The following ANKRD44 variants were observed in gnomAD, a reference collection of about 807,000 sequenced individuals.
ANKRD44 encodes ankyrin repeat domain 44.
Under a neutral mutation model 116.0 loss-of-function variants are expected in ANKRD44, and 35 were observed. That is an observed-to-expected ratio of 0.30 (90% CI 0.23 to 0.40). The LOEUF (loss-of-function observed/expected upper bound fraction) is 0.40. ANKRD44 is among the 10% of genes least tolerant of loss of function. The probability of loss-of-function intolerance (pLI) is 1.00; values close to 1 mark genes in which losing one functional copy is unlikely to be tolerated. For missense variants in ANKRD44, 1,014 were observed against 1,242.6 expected (o/e 0.82, Z 2.77); for synonymous variants, 435 against 461.8 (o/e 0.94, Z 0.74).
At chr2:197,069,306 G>A (rs1447327722) in intron 16 of ANKRD44, among the ~76,000 whole-genome samples, 4 of 152,056 alleles carry the variant, frequency 2.6e-5, no homozygotes, top group African/African-American at 7.2e-5. Context: ...TTGTGGGGTG[G>A]GGGGAGTGGG....
At chr2:197,051,403 T>C (rs1234333816) in intron 16 of ANKRD44, among the ~76,000 whole-genome samples, 1 of 152,104 alleles carries the variant, frequency 6.6e-6, no homozygotes, top group African/African-American at 2.4e-5. Flanking sequence ...TACTCATTCA[T>C]TTATTTTAGA....
At chr2:197,130,703 T>A (rs2079075419) in intron 4 of ANKRD44, among the ~76,000 whole-genome samples, 1 of 152,208 alleles carries the variant, frequency 6.6e-6, no homozygotes, top group South Asian at 2.1e-4. Context: ...CGAAGATAAT[T>A]TAAAGAAAAC....
At chr2:196,985,452 T>C (rs16860099), downstream of ANKRD44, among the ~76,000 whole-genome samples, 23,977 of 152,128 alleles carry the variant, frequency 0.16, 2,065 homozygotes, top group African/African-American at 0.23. Flanking sequence ...TTCTTTAAGA[T>C]TGAAAAGCAC....
chr2:197,307,923 A>G (rs1228909446), intron 1 of ANKRD44, among the ~76,000 whole-genome samples: 1 of 152,180 alleles, frequency 6.6e-6, no homozygotes, highest in Non-Finnish European at 1.5e-5. Context: ...TAATCCCAGC[A>G]CTTTGGGAGG....
intron 1 of ANKRD44, among the ~76,000 whole-genome samples, chr2:197,276,926 AT>A (rs371691153): frequency 0.29 from 39,316 of 135,934 alleles, 6,581 homozygotes; most frequent in East Asian, 0.66. Context: ...GAACCCAGGA[AT>A]TTTTTTTTTT....
intron 10 of ANKRD44, among the ~76,000 whole-genome samples, chr2:197,098,886 G>C (rs1367201245): frequency 6.6e-6 from 1 of 152,036 alleles, no homozygotes; most frequent in African/African-American, 2.4e-5. Flanking sequence ...TGGCATCAAG[G>C]GAGCACCCAC....
chr2:197,088,970 G>A (rs1303539251), intron 11 of ANKRD44, 196 bp from the exon 12 acceptor site: 7 of 445,856 alleles, frequency 1.6e-5, no homozygotes, highest in Non-Finnish European at 1.2e-5. Flanking sequence ...AGGAAGAACC[G>A]TGAAGTCAAG....
intron 17 of ANKRD44, among the ~76,000 whole-genome samples, chr2:197,014,545 T>C (rs1470808667): frequency 6.6e-6 from 1 of 152,020 alleles, no homozygotes; most frequent in Non-Finnish European, 1.5e-5. Flanking sequence ...CCCAGCACTT[T>C]GGGAGGCCGA....
intron 1 of ANKRD44, among the ~76,000 whole-genome samples, chr2:197,233,217 C>G (rs1164906157): frequency 1.2e-4 from 18 of 152,218 alleles, no homozygotes. Context: ...CTGCTTACTC[C>G]TGTGTTGAGC....
intron 2 of ANKRD44, among the ~76,000 whole-genome samples, chr2:197,168,382 T>A (rs1354363907): frequency 1.3e-5 from 2 of 152,188 alleles, no homozygotes; most frequent in African/African-American, 4.8e-5. Flanking sequence ...CAACATTATG[T>A]TTAGTGTTAA....
chr2:197,185,546 T>G (rs2080634557), intron 2 of ANKRD44, among the ~76,000 whole-genome samples: 1 of 152,222 alleles, frequency 6.6e-6, no homozygotes, highest in Non-Finnish European at 1.5e-5. Context: ...TGAATTACAT[T>G]AAGAGAATTA....
Position 197,220,235 on chromosome 2 carries a change from C to T in ANKRD44, c.28-33129G>A, listed in dbSNP as rs140491387. Among the ~76,000 whole-genome samples the T allele has an allele frequency of 5.4e-3, 820 of 152,222 alleles. 7 individuals carry two copies. The highest frequency in any genetic ancestry group is 0.019 in the African/African-American group (771 of 41,544). On this transcript the variant is annotated intron_variant, in intron 1 of 27. Coordinates refer to ENST00000282272, the MANE Select transcript of ANKRD44 (RefSeq NM_001195144.2). ...TTACCATGTATTTAAATTTGAATAA[C>T]ATTATATCCAATTTTCTCCAGGAAA...
chr2:196,994,034 A>G (rs2075967590), intron 26 of ANKRD44, among the ~76,000 whole-genome samples: 1 of 152,250 alleles, frequency 6.6e-6, no homozygotes, highest in African/African-American at 2.4e-5. Context: ...ACACAGTTCA[A>G]CAATATGACT....
chr2:197,197,049 A>T (rs1001794864), intron 1 of ANKRD44, among the ~76,000 whole-genome samples: 3 of 152,146 alleles, frequency 2.0e-5, no homozygotes, highest in Non-Finnish European at 4.4e-5. Flanking sequence ...CAGTGGGTTG[A>T]TCAGGACCTG....
At chr2:197,257,436 A>G (rs893454569) in intron 1 of ANKRD44, among the ~76,000 whole-genome samples, 7 of 151,384 alleles carry the variant, frequency 4.6e-5, no homozygotes, top group Non-Finnish European at 1.0e-4. Context: ...TTTAGTGATT[A>G]TTATAAAACT....
intron 9 of ANKRD44, 32 bp from the exon 10 acceptor site, chr2:197,099,962 A>G (rs2078251014): frequency 2.5e-6 from 4 of 1,602,728 alleles, no homozygotes; most frequent in Admixed American, 3.3e-5. Context: ...AGGATAACGC[A>G]AGGATTCAGG....
chr2:197,223,671 C>T (rs2081636071), intron 1 of ANKRD44, among the ~76,000 whole-genome samples: 1 of 152,172 alleles, frequency 6.6e-6, no homozygotes, highest in African/African-American at 2.4e-5. Context: ...GAAGGGAAAT[C>T]ACAACCTAGA....
At chr2:197,227,757 G>T (rs1386194203) in intron 1 of ANKRD44, among the ~76,000 whole-genome samples, 7 of 152,248 alleles carry the variant, frequency 4.6e-5, no homozygotes. Context: ...TGTGTGTGTT[G>T]GGAAAAGTCC....
At chr2:197,025,879 C>T (rs1046152380) in intron 16 of ANKRD44, among the ~76,000 whole-genome samples, 2 of 151,984 alleles carry the variant, frequency 1.3e-5, no homozygotes, top group Non-Finnish European at 2.9e-5. Flanking sequence ...CAAGAGAGGA[C>T]AAACATGGTA....
Sources: allele counts gnomAD v4.1 joint callset (sites outside exome capture counted in the v4.1 genomes callset), GRCh38; gene constraint gnomAD v4.1.1; transcripts MANE v1.5; gene names NCBI Gene and HGNC (gene_info 2026-07-23, HGNC 2026-07-21).